The following PIAS1 variants were observed in gnomAD, a reference collection of about 807,000 sequenced individuals.
The protein encoded by PIAS1 is E3 SUMO-protein ligase PIAS1.
Under a neutral mutation model 71.3 loss-of-function variants are expected in PIAS1, and 6 were observed. The observed-to-expected ratio is 0.08, with a 90% CI of 0.05 to 0.17. PIAS1 has a LOEUF of 0.17. Ranked by LOEUF, PIAS1 falls within the 10% of genes least tolerant of loss-of-function variation. PIAS1 has a pLI of 1.00. For synonymous variants in PIAS1, 303 were observed against 292.9 expected, an observed-to-expected ratio of 1.03 and a Z score of -0.35; for missense variants, 555 against 793.6, an observed-to-expected ratio of 0.70 and a Z score of 3.61.
At chr15:68,115,449 C>T (rs75143611) in intron 2 of PIAS1, among the ~76,000 whole-genome samples, 1 of 152,064 alleles carries the variant, frequency 6.6e-6, no homozygotes, top group East Asian at 1.9e-4. Context: ...GTTCTAGAAG[C>T]GTTTTGTAGA....
At chr15:68,089,858 A>C (rs1374488267) in intron 2 of PIAS1, among the ~76,000 whole-genome samples, 1 of 151,728 alleles carries the variant, frequency 6.6e-6, no homozygotes, top group African/African-American at 2.4e-5. Context: ...ACCCGGCCTC[A>C]TAACATTTAT....
At chr15:68,076,711 A>G (rs918121455) in intron 1 of PIAS1, among the ~76,000 whole-genome samples, 3 of 152,184 alleles carry the variant, frequency 2.0e-5, no homozygotes, top group African/African-American at 7.2e-5. Context: ...TTAAGGGCAC[A>G]ATTCTCAGAT....
At chr15:68,147,991 A>G (rs1391110203) in intron 6 of PIAS1, among the ~76,000 whole-genome samples, 1 of 152,156 alleles carries the variant, frequency 6.6e-6, no homozygotes, top group Non-Finnish European at 1.5e-5. Context: ...TGTGTCATCT[A>G]CTATACTCAA....
chr15:68,097,160 C>G (rs1302159438), intron 2 of PIAS1, among the ~76,000 whole-genome samples: 1 of 152,126 alleles, frequency 6.6e-6, no homozygotes, highest in Non-Finnish European at 1.5e-5. Context: ...TTCAGATGAT[C>G]ATGTAGTTTT....
In PIAS1 at chr15:68,175,738, A is replaced by C; in HGVS notation, c.1271A>C (p.Glu424Ala). 1.9e-6 allele frequency: 3 copies of C among 1,607,288 alleles called. No homozygotes were observed. The highest frequency in any genetic ancestry group is 2.6e-6 in the Non-Finnish European group (3 of 1,176,272). ...APMRSKKEVQEVSASYNGVDG... is the reference protein window; with the variant it reads ...APMRSKKEVQAVSASYNGVDG... ...ATGAGATCAAAAAAGGAAGTACAGG[A>C]AGTTTCTGCCTCTTACAATGGAGTC... is the stretch of plus-strand genomic sequence containing the variant. The change falls in exon 10 of 14, where the codon GAA becomes GCA. Residue 424 changes from glutamate (E) to alanine (A), a missense_variant. Coordinates refer to ENST00000249636, the MANE Select transcript of PIAS1 (RefSeq NM_016166.3).
At chr15:68,117,057 C>T (rs1033223467) in intron 2 of PIAS1, among the ~76,000 whole-genome samples, 3 of 151,988 alleles carry the variant, frequency 2.0e-5, no homozygotes, top group Admixed American at 6.6e-5. Context: ...TCCCTTCTAG[C>T]GTTTTTTTGT....
chr15:68,181,640 T>A (rs1595796371), intron 12 of PIAS1: 1 of 254,548 alleles, frequency 3.9e-6, no homozygotes, highest in Admixed American at 4.9e-5. Flanking sequence ...GAATGACTGC[T>A]AGTATGTGGG....
chr15:68,134,485 G>A (rs61244839), intron 2 of PIAS1, among the ~76,000 whole-genome samples: 9,930 of 49,292 alleles, frequency 0.2, 3,541 homozygotes, highest in African/African-American at 0.28. Context: ...CTGGCCGGGC[G>A]GGGGGCTGAC....
intron 1 of PIAS1, among the ~76,000 whole-genome samples, chr15:68,075,931 C>T (rs930247682): frequency 2.0e-5 from 3 of 152,010 alleles, no homozygotes; most frequent in Non-Finnish European, 4.4e-5. Flanking sequence ...TACAGGTGCC[C>T]AGGACCGTGC....
intron 7 of PIAS1, among the ~76,000 whole-genome samples, chr15:68,162,504 G>A (rs577075349): frequency 8.5e-5 from 13 of 152,128 alleles, no homozygotes; most frequent in Non-Finnish European, 1.8e-4. Context: ...GAGAGAGAGT[G>A]AGTTAAGAGG....
chr15:68,095,082 A>G (rs571778126), intron 2 of PIAS1, among the ~76,000 whole-genome samples: 3 of 152,230 alleles, frequency 2.0e-5, no homozygotes, highest in Non-Finnish European at 4.4e-5. Flanking sequence ...CATTAGAATC[A>G]GTGAAAGAAC....
chr15:68,068,101 G>A (rs979028337), intron 1 of PIAS1, among the ~76,000 whole-genome samples: 1 of 152,292 alleles, frequency 6.6e-6, no homozygotes, highest in African/African-American at 2.4e-5. Flanking sequence ...GGGTGAACGT[G>A]GTGGTTCACA....
intron 7 of PIAS1, among the ~76,000 whole-genome samples, chr15:68,162,889 C>G (rs2092934177): frequency 6.6e-6 from 1 of 152,110 alleles, no homozygotes; most frequent in Admixed American, 6.5e-5. Context: ...TATCCCAGCT[C>G]AAGGAAAAAG....
intron 1 of PIAS1, chr15:68,055,957 A>T: frequency 1.4e-6 from 1 of 698,396 alleles, no homozygotes; most frequent in Non-Finnish European, 2.6e-6. Context: ...ACTTCTAATT[A>T]CAAATTTACT....
chr15:68,181,190 T>C (rs1158020815), intron 11 of PIAS1, 22 bp from the exon 12 acceptor site: 9 of 1,609,368 alleles, frequency 5.6e-6, no homozygotes, highest in Non-Finnish European at 6.8e-6. Context: ...ATGAAAACTA[T>C]GCCAATCTTT....
intron 1 of PIAS1, chr15:68,055,121 G>A: frequency 1.4e-6 from 1 of 723,058 alleles, no homozygotes; most frequent in Non-Finnish European, 1.7e-6. Context: ...TGTTGGGAGG[G>A]GGGGATGCAG....
At chr15:68,123,751 G>GTGATATTATA (rs1427287266) in intron 2 of PIAS1, among the ~76,000 whole-genome samples, 1 of 152,132 alleles carries the variant, frequency 6.6e-6, no homozygotes, top group Non-Finnish European at 1.5e-5. Context: ...AGTATATTCT[G>GTGATATTATA]TGATATTATA....
At chr15:68,157,483 C>T (rs1372954025) in intron 7 of PIAS1, among the ~76,000 whole-genome samples, 1 of 152,162 alleles carries the variant, frequency 6.6e-6, no homozygotes, top group Non-Finnish European at 1.5e-5. Context: ...GTCTTTAACC[C>T]TCTATCATTC....
chr15:68,103,505 C>G (rs955842327), intron 2 of PIAS1, among the ~76,000 whole-genome samples: 6 of 151,934 alleles, frequency 3.9e-5, no homozygotes, highest in African/African-American at 1.5e-4. Context: ...GTGTACAATT[C>G]ATTGGTTTTA....
Sources: allele counts gnomAD v4.1 joint callset (sites outside exome capture counted in the v4.1 genomes callset), GRCh38; gene constraint gnomAD v4.1.1; transcripts MANE v1.5; gene names NCBI Gene and HGNC (gene_info 2026-07-23, HGNC 2026-07-21).